The following MYO6 variants were observed in gnomAD, a reference collection of about 807,000 sequenced individuals.
MYO6 encodes the protein unconventional myosin-VI.
Under a neutral mutation model 178.7 loss-of-function variants are expected in MYO6, and 74 were observed. That is an observed-to-expected ratio of 0.41 (90% CI 0.34 to 0.50). The LOEUF (loss-of-function observed/expected upper bound fraction) is 0.50. Among genes scored for constraint, MYO6 ranks in the 20% least tolerant of loss-of-function variants. The pLI is 0.09. For synonymous variants in MYO6, 477 were observed against 504.6 expected, an observed-to-expected ratio of 0.95 and a Z score of 0.73; for missense variants, 1,330 against 1,547.4, an observed-to-expected ratio of 0.86 and a Z score of 2.36.
intron 2 of MYO6, among the ~76,000 whole-genome samples, chr6:75,819,189 T>C (rs1374754638): frequency 6.6e-6 from 1 of 152,242 alleles, no homozygotes; most frequent in Non-Finnish European, 1.5e-5. Flanking sequence ...CATGGATCTG[T>C]AGATAATTCT....
In MYO6 at chr6:75,848,537, C is replaced by T. The variant is rs758422731; in HGVS notation, c.1078+6C>T. On this transcript the variant is annotated splice_donor_region_variant and intron_variant, in intron 11 of 34. Transcript: ENST00000369977. ...GGAAGCTGGCAGCACTTCAGGTTTG[C>T]TTTTTATTTTTTTAAGAGGAAAAAA... 125 of 1,607,510 alleles carry T rather than the reference C, an allele frequency of 7.8e-5. No homozygotes were observed. Among genetic ancestry groups the T allele is most frequent in the Non-Finnish European group, 1.0e-4 (123 of 1,178,290 alleles).
At position 75,886,000 on chromosome 6, in the gene MYO6, A is replaced by G. The variant is rs1412219499; in HGVS notation, c.2417-4A>G. 2 of 1,552,476 alleles carry G rather than the reference A, an allele frequency of 1.3e-6. No individual in the cohort carries two copies. The highest frequency in any genetic ancestry group is 1.7e-5 in the Admixed American group (1 of 59,752). ...CTATCATTTTATTTTACTCTTACACATAGTGAAAAACAAAATAAAATATCG... is the reference window on the plus strand; with the variant it reads ...CTATCATTTTATTTTACTCTTACACGTAGTGAAAAACAAAATAAAATATCG... On this transcript the variant is annotated splice_polypyrimidine_tract_variant and splice_region_variant and intron_variant, in intron 23 of 34. Coordinates refer to ENST00000369977, the MANE Select transcript of MYO6 (RefSeq NM_004999.4).
rs368132510 is a variant in MYO6 at position 75,886,059 on chromosome 6, T to C, written c.2472T>C (p.Ile824=). Residue 824 remains isoleucine (I), a synonymous_variant, in exon 24 of 35, where the codon ATT becomes ATC. Transcript: ENST00000369977. ...CCTGCATTAAAATGCAAAAAACTAT[T>C]CGAATGTGGCTTTGCAAGAGGAGAC... ...AEACIKMQKT[I]RMWLCKRRHK... is the part of the protein sequence containing the mutation. 1 of 1,612,936 alleles carries C rather than the reference T, an allele frequency of 6.2e-7. No individual in the cohort carries two copies. The highest frequency in any genetic ancestry group is 8.5e-7 in the Non-Finnish European group (1 of 1,179,264).
At chr6:75,906,178 G>T (rs2149410797) in intron 30 of MYO6, among the ~76,000 whole-genome samples, 1 of 151,794 alleles carries the variant, frequency 6.6e-6, no homozygotes, top group South Asian at 2.1e-4. Context: ...TAGTTAGTTA[G>T]TTTAATATTT....
chr6:75,814,986 C>T (rs1343397923), intron 1 of MYO6, among the ~76,000 whole-genome samples: 1 of 152,118 alleles, frequency 6.6e-6, no homozygotes, highest in South Asian at 2.1e-4. Flanking sequence ...GTGTGCTGGG[C>T]CTTAGGGACA....
intron 1 of MYO6, among the ~76,000 whole-genome samples, chr6:75,759,227 C>A (rs1777741539): frequency 6.6e-6 from 1 of 152,108 alleles, no homozygotes; most frequent in Non-Finnish European, 1.5e-5. Flanking sequence ...ACTTAGATTT[C>A]TTTAGATAAT....
At chr6:75,751,511 A>G (rs535784418) in intron 1 of MYO6, among the ~76,000 whole-genome samples, 1 of 152,398 alleles carries the variant, frequency 6.6e-6, no homozygotes, top group South Asian at 2.1e-4. Flanking sequence ...TTTAATGTAA[A>G]TTAATGCAAT....
At chr6:75,865,854 G>A (rs1393375685) in intron 16 of MYO6, among the ~76,000 whole-genome samples, 5 of 152,118 alleles carry the variant, frequency 3.3e-5, no homozygotes, top group African/African-American at 1.2e-4. Flanking sequence ...TATTTGAAAC[G>A]GTAGGAGAGT....
intron 2 of MYO6, among the ~76,000 whole-genome samples, chr6:75,819,835 C>T (rs1187145059): frequency 6.6e-6 from 1 of 152,188 alleles, no homozygotes; most frequent in Non-Finnish European, 1.5e-5. Flanking sequence ...GGGAGGATTG[C>T]TTGAGCTCAG....
intron 1 of MYO6, among the ~76,000 whole-genome samples, chr6:75,807,314 G>C (rs899549943): frequency 2.0e-5 from 3 of 152,020 alleles, no homozygotes; most frequent in Admixed American, 6.6e-5. Context: ...TGGTGTCTCT[G>C]TGTGTCTGTT....
chr6:75,917,509 A>C lies in MYO6; in HGVS notation c.*2497A>C, dbSNP rs886061772. On this transcript the variant is annotated 3_prime_UTR_variant, in exon 35 of 35. Coordinates refer to ENST00000369977, the MANE Select transcript of MYO6 (RefSeq NM_004999.4). ...ACTCTAATCCACGTATGTTAAGAGA[A>C]TATTGAGTTTTCTTAGTTGTAAAGT... 1 of 152,294 alleles carries C rather than the reference A, an allele frequency of 6.6e-6. No individual in the cohort carries two copies. The highest frequency in any genetic ancestry group is 6.5e-5 in the Admixed American group (1 of 15,286). 9.4% of individuals were successfully genotyped at this position (152,294 alleles called of 1,614,324 possible). A position where few individuals can be genotyped will look rare whatever the true frequency, so the allele number is the denominator to read the frequency against.
intron 13 of MYO6, among the ~76,000 whole-genome samples, chr6:75,858,282 T>C (rs922484456): frequency 2.6e-5 from 4 of 152,188 alleles, no homozygotes; most frequent in African/African-American, 9.6e-5. Context: ...ATTTTTGTGC[T>C]TAATTTAGAT....
rs141217177 is a variant in MYO6, at chr6:75,873,569, T to TAGAAA, written c.2077+287_2077+291dup. 2.7e-4 allele frequency among the ~76,000 whole-genome samples: 41 copies of TAGAAA among 152,256 alleles called. No homozygotes were observed. The South Asian group carries it at 6.2e-3, about 23-fold the overall frequency. On this transcript the variant is annotated intron_variant, in intron 20 of 34. Transcript: ENST00000369977. ...CTGGGCAACATAGCAAGATCTGTTTTAGAAAAGAAAAGAAAAGAAAAGCAT... is the reference window on the plus strand; with the variant it reads ...CTGGGCAACATAGCAAGATCTGTTTTAGAAAAGAAAAGAAAAGAAAAGAAAAGCAT...
Position 75,903,220 on chromosome 6 carries a change from G to A in MYO6, c.3177-4385G>A, listed in dbSNP as rs1038573761. Among the ~76,000 whole-genome samples the A allele has an allele frequency of 2.6e-5, 4 of 151,818 alleles. No homozygotes were observed. The East Asian group carries it at 5.8e-4, about 22-fold the overall frequency. ...ATATTCTGTTGATTTGGGGTGGAGA[G>A]TTCTGTAGATGTCTATTAGGTCCGC... On this transcript the variant is annotated intron_variant, in intron 30 of 34. Coordinates refer to ENST00000369977, the MANE Select transcript of MYO6 (RefSeq NM_004999.4).
chr6:75,810,449 T>C (rs1770582723), intron 1 of MYO6, among the ~76,000 whole-genome samples: 1 of 152,210 alleles, frequency 6.6e-6, no homozygotes, highest in South Asian at 2.1e-4. Context: ...ATCTGTTTTG[T>C]CAGTCTTATG....
At chr6:75,910,234 G>A (rs939519672) in intron 32 of MYO6, among the ~76,000 whole-genome samples, 22 of 152,290 alleles carry the variant, frequency 1.4e-4, no homozygotes, top group African/African-American at 4.8e-4. Context: ...ACAGTGAGCT[G>A]TTCTTTTTAG....
At chr6:75,789,483 T>C (rs1001697888) in intron 1 of MYO6, among the ~76,000 whole-genome samples, 3 of 152,198 alleles carry the variant, frequency 2.0e-5, no homozygotes, top group Non-Finnish European at 4.4e-5. Context: ...TATTATAATT[T>C]AGTTAATTAC....
chr6:75,853,368 T>G (rs982367679), intron 11 of MYO6, among the ~76,000 whole-genome samples: 1 of 152,208 alleles, frequency 6.6e-6, no homozygotes, highest in Non-Finnish European at 1.5e-5. Flanking sequence ...TTTTCTTTTA[T>G]TGCTTGTGAT....
intron 19 of MYO6, among the ~76,000 whole-genome samples, chr6:75,872,058 G>A (rs1230102188): frequency 6.6e-6 from 1 of 152,088 alleles, no homozygotes; most frequent in Non-Finnish European, 1.5e-5. Context: ...GAACCCAGGA[G>A]GCGGAGGTTG....
Sources: gnomAD v4.1 joint callset for allele counts (sites outside exome capture counted in the v4.1 genomes callset) on GRCh38, gnomAD v4.1.1 for gene constraint, MANE v1.5 for transcripts, NCBI Gene and HGNC (gene_info 2026-07-23, HGNC 2026-07-21) for gene names.